The following CSGALNACT1 variants were observed in gnomAD, a reference collection of about 807,000 sequenced individuals.
CSGALNACT1 encodes chondroitin sulfate N-acetylgalactosaminyltransferase 1.
In CSGALNACT1, 52 loss-of-function variants were observed where a neutral mutation model predicts 51.0. The observed-to-expected ratio is 1.02, with a 90% CI of 0.82 to 1.29. The LOEUF (loss-of-function observed/expected upper bound fraction) is 1.29. Ranked by LOEUF, CSGALNACT1 falls within the 50% of genes most tolerant of loss-of-function variation. The pLI is 0.00. For missense variants in CSGALNACT1, 935 were observed against 679.2 expected (o/e 1.38, Z -4.19); for synonymous variants, 341 against 254.4 (o/e 1.34, Z -3.24).
chr8:19,663,315 G>A (rs1410279142), intron 1 of CSGALNACT1, among the ~76,000 whole-genome samples: 1 of 152,058 alleles, frequency 6.6e-6, no homozygotes. Flanking sequence ...ATGGTTGAAG[G>A]ATACAATACT....
chr8:19,543,373 T>C (rs570405723), intron 3 of CSGALNACT1, among the ~76,000 whole-genome samples: 1 of 152,222 alleles, frequency 6.6e-6, no homozygotes, highest in Admixed American at 6.5e-5. Flanking sequence ...AGATCCGCCC[T>C]TGACAATGTC....
chr8:19,459,385 A>G (rs1290954187), intron 4 of CSGALNACT1, among the ~76,000 whole-genome samples: 10 of 100,544 alleles, frequency 9.9e-5, no homozygotes, highest in Middle Eastern at 5.9e-3. Context: ...TTTATCTCAA[A>G]AAAAAAAAAA....
rs188382863 is a variant in CSGALNACT1, at chr8:19,688,467, G to C, written c.-297+69383C>G. ...ATTGCTAAGTGACATTTTTCTAAAG[G>C]TGGAATTCCTTTGTTCTAAAGCAAA... is the stretch of plus-strand genomic sequence containing the variant. On this transcript the variant is annotated intron_variant, in intron 1 of 1. Transcript: ENST00000517494. Among the ~76,000 whole-genome samples the C allele has an allele frequency of 5.5e-3, 832 of 152,290 alleles. 4 individuals are homozygous for C. The highest frequency in any genetic ancestry group is 0.014 in the Middle Eastern group (4 of 294).
chr8:19,692,540 G>C (rs567800174), intron 1 of CSGALNACT1, among the ~76,000 whole-genome samples: 80 of 152,300 alleles, frequency 5.3e-4, no homozygotes, highest in South Asian at 3.1e-3. Context: ...CGAGTGACAG[G>C]AAGTGGGACA....
At chr8:19,547,533 G>A (rs138464086) in intron 3 of CSGALNACT1, among the ~76,000 whole-genome samples, 116 of 152,186 alleles carry the variant, frequency 7.6e-4, no homozygotes, top group African/African-American at 2.6e-3. Flanking sequence ...CTTGGCTCTC[G>A]TTTCTTTGCA....
At chr8:19,601,530 G>T (rs2050419336) in intron 2 of CSGALNACT1, among the ~76,000 whole-genome samples, 1 of 152,178 alleles carries the variant, frequency 6.6e-6, no homozygotes, top group Non-Finnish European at 1.5e-5. Flanking sequence ...TCCTTAAAAA[G>T]TTGGGAAAGT....
intron 3 of CSGALNACT1, among the ~76,000 whole-genome samples, chr8:19,527,690 C>G (rs905180100): frequency 6.6e-6 from 1 of 152,142 alleles, no homozygotes; most frequent in Non-Finnish European, 1.5e-5. Flanking sequence ...CGCATGAGAA[C>G]CACGCAGGCA....
chr8:19,614,540 T>TTGAA (rs1356823342), intron 1 of CSGALNACT1, among the ~76,000 whole-genome samples: 2 of 152,234 alleles, frequency 1.3e-5, no homozygotes, highest in Non-Finnish European at 2.9e-5. Flanking sequence ...AGTTTTTACA[T>TTGAA]GTTATACTCT....
intron 1 of CSGALNACT1, among the ~76,000 whole-genome samples, chr8:19,666,785 AAGAAAGAAAGAAAGAAAGAAAGAAAGAG>A (rs1169378558): frequency 0.12 from 2,714 of 22,228 alleles, 166 homozygotes; most frequent in South Asian, 0.21. Context: ...GAAAGAAAGA[AAGAAAGAAAGAAAGAAAGAAAGAAAGAG>A]AGAGAGAGAG....
At chr8:19,643,337 T>A (rs1392621053) in intron 1 of CSGALNACT1, among the ~76,000 whole-genome samples, 1 of 152,120 alleles carries the variant, frequency 6.6e-6, no homozygotes, top group African/African-American at 2.4e-5. Flanking sequence ...TTCAATAGAT[T>A]AAAAAGTAGG....
intron 3 of CSGALNACT1, among the ~76,000 whole-genome samples, chr8:19,527,585 G>T (rs1220689201): frequency 1.3e-5 from 2 of 152,184 alleles, no homozygotes; most frequent in Non-Finnish European, 2.9e-5. Flanking sequence ...ACTCTAGCCT[G>T]GGTGACAAAG....
At chr8:19,438,123 G>GGAGGC (rs2060682995) in intron 6 of CSGALNACT1, among the ~76,000 whole-genome samples, 1 of 151,910 alleles carries the variant, frequency 6.6e-6, no homozygotes, top group South Asian at 2.1e-4. Context: ...CCCATAGGAA[G>GGAGGC]GAGGCTGTGA....
At chr8:19,422,921 A>T (rs1179911658) in intron 6 of CSGALNACT1, among the ~76,000 whole-genome samples, 1 of 152,230 alleles carries the variant, frequency 6.6e-6, no homozygotes, top group Non-Finnish European at 1.5e-5. Context: ...TAATATATAC[A>T]GCCAGTAGCA....
At chr8:19,530,730 C>A (rs1057266645) in intron 3 of CSGALNACT1, among the ~76,000 whole-genome samples, 2 of 152,028 alleles carry the variant, frequency 1.3e-5, no homozygotes, top group African/African-American at 4.8e-5. Context: ...GACCTTATCT[C>A]ATAAAGGAAT....
chr8:19,467,182 C>T (rs537946898), intron 4 of CSGALNACT1, among the ~76,000 whole-genome samples: 4 of 132,184 alleles, frequency 3.0e-5, no homozygotes, highest in Admixed American at 2.7e-4. Context: ...TGCAGTGGTG[C>T]GATCTCGGCT....
At chr8:19,561,937 T>A (rs139113648) in intron 3 of CSGALNACT1, among the ~76,000 whole-genome samples, 399 of 152,280 alleles carry the variant, frequency 2.6e-3, no homozygotes, top group African/African-American at 8.9e-3. Flanking sequence ...GGCCTGATCA[T>A]GCCTGCATTT....
chr8:19,521,203 T>G (rs942811865), intron 3 of CSGALNACT1, among the ~76,000 whole-genome samples: 22 of 152,102 alleles, frequency 1.4e-4, no homozygotes, highest in Non-Finnish European at 2.9e-5. Flanking sequence ...CGATCAGAAT[T>G]GAATTTTAGC....
intron 1 of CSGALNACT1, among the ~76,000 whole-genome samples, chr8:19,640,198 T>C (rs1470281730): frequency 6.6e-6 from 1 of 152,250 alleles, no homozygotes; most frequent in Non-Finnish European, 1.5e-5. Flanking sequence ...TCTCAACCTC[T>C]AGCACTTGCC....
At chr8:19,538,147 C>T (rs528651502) in intron 3 of CSGALNACT1, among the ~76,000 whole-genome samples, 2 of 152,060 alleles carry the variant, frequency 1.3e-5, no homozygotes, top group East Asian at 1.9e-4. Context: ...CAAGATGATA[C>T]TGCTACAAAA....
Sources: allele counts gnomAD v4.1 joint callset (sites outside exome capture counted in the v4.1 genomes callset), GRCh38; gene constraint gnomAD v4.1.1; transcripts MANE v1.5; gene names NCBI Gene and HGNC (gene_info 2026-07-23, HGNC 2026-07-21).